Variants in TUNAR observed in about 807,000 individuals in gnomAD.
TUNAR encodes protein TUNAR.
intron 2 of TUNAR, among the ~76,000 whole-genome samples, chr14:95,917,065 G>A (rs1191359241): frequency 6.6e-6 from 1 of 152,036 alleles, no homozygotes; most frequent in Admixed American, 6.5e-5. Context: ...AACAGATATT[G>A]AATTTAAGGT....
chr14:95,884,977 A>G (rs921988788), intron 2 of TUNAR, among the ~76,000 whole-genome samples: 3 of 152,122 alleles, frequency 2.0e-5, no homozygotes, highest in African/African-American at 4.8e-5. Flanking sequence ...GAAAGGATCA[A>G]TCCCTTGGCA....
At chr14:95,915,963 C>G (rs183166889) in intron 2 of TUNAR, among the ~76,000 whole-genome samples, 2,023 of 152,274 alleles carry the variant, frequency 0.013, 28 homozygotes, top group Middle Eastern at 0.02. Context: ...TGGCATTCAG[C>G]ACAGCACTTA....
In TUNAR at chr14:95,895,562, TC is replaced by T. The variant is rs1566787512; in HGVS notation, c.12+18387del. On this transcript the variant is annotated intron_variant, in intron 2 of 2. Transcript: ENST00000678517. This position sits in a 1 kb window ranked among gnomAD's most constrained non-coding sequence, Gnocchi z 4.5. ...TTACAAGGGAGTTCCCGACGCATCC[TC>T]CAGGATCATGGTTCGCTCAGCCTCA... Among the ~76,000 whole-genome samples, 1 of 152,158 alleles carries T rather than the reference TC, an allele frequency of 6.6e-6. No individual in the cohort carries two copies. The highest frequency in any genetic ancestry group is 1.5e-5 in the Non-Finnish European group (1 of 68,018).
intron 2 of TUNAR, among the ~76,000 whole-genome samples, chr14:95,888,460 A>G (rs113254659): frequency 1.3e-5 from 2 of 152,142 alleles, no homozygotes; most frequent in African/African-American, 4.8e-5. Flanking sequence ...TGCGGGCCTC[A>G]TGTGAGGTTG....
chr14:95,923,949 A>G (rs1889741719), exon 3 of TUNAR: 1 of 152,194 alleles, frequency 6.6e-6, no homozygotes, highest in Non-Finnish European at 1.5e-5. Context: ...AATTAAAAGG[A>G]CTACCTTTGA....
chr14:95,910,622 A>G (rs1889498265), intron 2 of TUNAR, among the ~76,000 whole-genome samples: 1 of 152,234 alleles, frequency 6.6e-6, no homozygotes, highest in Non-Finnish European at 1.5e-5. Context: ...CAGATATTTT[A>G]TCTCTTCACT....
At chr14:95,890,207 T>C (rs970290539) in intron 2 of TUNAR, among the ~76,000 whole-genome samples, 2 of 152,064 alleles carry the variant, frequency 1.3e-5, no homozygotes, top group Non-Finnish European at 2.9e-5. Context: ...GTAGTCTGGC[T>C]TCGTGAAGGA....
rs559140894 is a variant in TUNAR at position 95,923,151 on chromosome 14, A to T, written c.*185A>T. 1.4e-3 allele frequency: 528 copies of T among 391,032 alleles called. 3 individuals carry two copies. The highest frequency in any genetic ancestry group is 0.01 in the African/African-American group (490 of 48,608). 24.2% of individuals were successfully genotyped at this position (391,032 alleles called of 1,614,324 possible). A position where few individuals can be genotyped will look rare whatever the true frequency, so the allele number is the denominator to read the frequency against. On this transcript the variant is annotated 3_prime_UTR_variant, in exon 3 of 3. Coordinates refer to ENST00000678517, the Ensembl canonical transcript of TUNAR. ...ACCGATCCTGCTGCAGGGAGCAGAC[A>T]CTAAAGCACAATGATTCCAACAAAA...
chr14:95,897,243 G>A (rs1463785110), intron 2 of TUNAR, among the ~76,000 whole-genome samples: 2 of 152,184 alleles, frequency 1.3e-5, no homozygotes, highest in East Asian at 3.8e-4. Flanking sequence ...GATCGTCTTT[G>A]AGCCCCAGTC....
At chr14:95,909,067 A>G (rs1440870317) in intron 2 of TUNAR, among the ~76,000 whole-genome samples, 1 of 152,194 alleles carries the variant, frequency 6.6e-6, no homozygotes, top group African/African-American at 2.4e-5. Context: ...AGTCTGGACT[A>G]ACAGAATTAA....
At chr14:95,894,772 A>G (rs532952137) in intron 2 of TUNAR, among the ~76,000 whole-genome samples, 1 of 152,314 alleles carries the variant, frequency 6.6e-6, no homozygotes, top group South Asian at 2.1e-4. Flanking sequence ...AGAGATCTTA[A>G]AAGAAAGGAC....
At chr14:95,900,560 G>A (rs1889336015) in intron 2 of TUNAR, among the ~76,000 whole-genome samples, 1 of 152,218 alleles carries the variant, frequency 6.6e-6, no homozygotes, top group Admixed American at 6.5e-5. Context: ...GCGAAGGTTT[G>A]GGTTTCTTGT....
chr14:95,910,796 C>T (rs1009391182), intron 2 of TUNAR, among the ~76,000 whole-genome samples: 1 of 152,150 alleles, frequency 6.6e-6, no homozygotes, highest in Admixed American at 6.5e-5. Flanking sequence ...TTGCCCAGCC[C>T]CTGACGAAGA....
chr14:95,885,862 C>A (rs1234797465), intron 2 of TUNAR, among the ~76,000 whole-genome samples: 6 of 152,174 alleles, frequency 3.9e-5, no homozygotes, highest in Admixed American at 6.5e-5. Context: ...TGGGAATGAG[C>A]ATGGTTGTCC....
intron 2 of TUNAR, among the ~76,000 whole-genome samples, chr14:95,889,624 G>T (rs936299617): frequency 6.6e-6 from 1 of 152,204 alleles, no homozygotes; most frequent in Non-Finnish European, 1.5e-5. Flanking sequence ...TGGCTTTCCT[G>T]TCTCCTGGTC....
exon 3 of TUNAR, chr14:95,923,988 T>C (rs1399503448): frequency 6.6e-6 from 1 of 152,242 alleles, no homozygotes; most frequent in African/African-American, 2.4e-5. Flanking sequence ...TATTTGCAGA[T>C]GAACTTTTGA....
At chr14:95,901,491 A>G (rs1031762895) in intron 2 of TUNAR, among the ~76,000 whole-genome samples, 14 of 152,186 alleles carry the variant, frequency 9.2e-5, no homozygotes, top group Admixed American at 3.9e-4. Flanking sequence ...GAGGCAGGAG[A>G]TGTAAATTTT....
chr14:95,919,959 G>A (rs1266749513), intron 2 of TUNAR, among the ~76,000 whole-genome samples: 105 of 152,140 alleles, frequency 6.9e-4, no homozygotes, highest in Admixed American at 6.9e-3. Flanking sequence ...ATATATACAA[G>A]AATGTTCATA....
chr14:95,907,874 C>G (rs1378783232), intron 2 of TUNAR, among the ~76,000 whole-genome samples: 1 of 152,166 alleles, frequency 6.6e-6, no homozygotes, highest in Non-Finnish European at 1.5e-5. Flanking sequence ...ATCCTCTCTG[C>G]AGCTGGTCCT....
Sources: gnomAD v4.1 joint callset for allele counts (sites outside exome capture counted in the v4.1 genomes callset) on GRCh38, gnomAD v4.1.1 for gene constraint, Gnocchi (gnomAD v3.1) non-coding constraint, MANE v1.5 for transcripts, NCBI Gene and HGNC (gene_info 2026-07-23, HGNC 2026-07-21) for gene names.